The following TFEC variants were observed in gnomAD, a reference collection of about 807,000 sequenced individuals.
TFEC encodes transcription factor EC, also known as class E basic helix-loop-helix protein 34.
Under a neutral mutation model 41.6 loss-of-function variants are expected in TFEC, and 31 were observed. That is an observed-to-expected ratio of 0.74 (90% CI 0.56 to 1.01). The LOEUF (loss-of-function observed/expected upper bound fraction) is 1.01, where lower values mean the gene tolerates loss of function less well. Ranked by LOEUF, TFEC falls within the 50% of genes least tolerant of loss-of-function variation. TFEC has a pLI of 0.00. For missense variants in TFEC, 402 were observed against 404.1 expected, an observed-to-expected ratio of 0.99 and a Z score of 0.04; for synonymous variants, 143 against 140.6, an observed-to-expected ratio of 1.02 and a Z score of -0.12.
chr7:116,095,465 T>C (rs139127317), intron 3 of TFEC, among the ~76,000 whole-genome samples: 4,168 of 152,122 alleles, frequency 0.027, 72 homozygotes, highest in Middle Eastern at 0.041. Flanking sequence ...TACACACATA[T>C]CCAAACCCCA....
Position 115,950,857 on chromosome 7 carries a change from A to G in TFEC, c.515+17T>C. ...TTTAAATTATAACATTATTATAGAA[A>G]TGATTGTTGAACTCACGGATCATTA... On this transcript the variant is annotated intron_variant, in intron 6 of 7. Transcript: ENST00000265440. The G allele has an allele frequency of 6.3e-7, 1 of 1,578,626 alleles. No individual in the cohort carries two copies. Among genetic ancestry groups the G allele is most frequent in the Non-Finnish European group, 8.6e-7 (1 of 1,158,540 alleles).
chr7:115,936,214 T>C lies in TFEC; in HGVS notation c.*4337A>G, dbSNP rs1378402886. Reference sequence around the variant, plus strand: ...CATAGGAGATCAGTAACACTCGAAATGTATTTTGTATTTATTAGGTAAATG... The same window carrying C: ...CATAGGAGATCAGTAACACTCGAAACGTATTTTGTATTTATTAGGTAAATG... On this transcript the variant is annotated 3_prime_UTR_variant, in exon 8 of 8. Coordinates refer to ENST00000265440, the MANE Select transcript of TFEC (RefSeq NM_012252.4). 6.6e-6 allele frequency: 1 copy of C among 151,662 alleles called. No individual in the cohort carries two copies. The highest frequency in any genetic ancestry group is 1.9e-4 in the East Asian group (1 of 5,182). The allele number at this position is 151,662 out of a possible 1,614,324, so 9.4% of individuals were successfully genotyped here.
At chr7:116,091,349 A>C (rs775639683) in intron 3 of TFEC, among the ~76,000 whole-genome samples, 7 of 152,172 alleles carry the variant, frequency 4.6e-5, no homozygotes, top group Non-Finnish European at 8.8e-5. Flanking sequence ...AAGTACTATT[A>C]AACAATGTAA....
chr7:116,105,056 C>A (rs1173418285), intron 3 of TFEC, among the ~76,000 whole-genome samples: 1 of 152,130 alleles, frequency 6.6e-6, no homozygotes. Context: ...TTGAATCCGA[C>A]CTCCATTCCC....
chr7:116,157,948 T>C (rs1232485281), intron 1 of TFEC, among the ~76,000 whole-genome samples: 2 of 152,134 alleles, frequency 1.3e-5, no homozygotes, highest in Non-Finnish European at 2.9e-5. Context: ...CAGACACCTA[T>C]CTTCAAATTC....
At chr7:116,157,245 CCTTT>C (rs1452897732) in intron 1 of TFEC, 3 of 151,990 alleles carry the variant, frequency 2.0e-5, no homozygotes, top group African/African-American at 7.3e-5. Context: ...TCCTTTGCCC[CCTTT>C]CTTTCCCGCT....
chr7:116,068,535 C>T (rs1796749290), intron 3 of TFEC, among the ~76,000 whole-genome samples: 1 of 151,470 alleles, frequency 6.6e-6, no homozygotes, highest in South Asian at 2.1e-4. Flanking sequence ...AACAATATGC[C>T]ATAATGCACT....
intron 3 of TFEC, among the ~76,000 whole-genome samples, chr7:116,076,535 T>C (rs1041219550): frequency 1.3e-5 from 2 of 151,814 alleles, no homozygotes; most frequent in Admixed American, 6.6e-5. Context: ...TGATACAGGA[T>C]ATGAAGGGAA....
At chr7:115,975,092 A>G (rs1793322074) in intron 2 of TFEC, among the ~76,000 whole-genome samples, 1 of 152,104 alleles carries the variant, frequency 6.6e-6, no homozygotes, top group Non-Finnish European at 1.5e-5. Context: ...ATTTGGCTCT[A>G]TAGTCCAAAT....
At chr7:115,987,779 T>C (rs1478935085) in intron 1 of TFEC, among the ~76,000 whole-genome samples, 2 of 152,018 alleles carry the variant, frequency 1.3e-5, no homozygotes, top group Non-Finnish European at 2.9e-5. Context: ...ATAAAATGTG[T>C]TTTATATATA....
At chr7:115,997,201 G>A (rs1272650935) in intron 1 of TFEC, among the ~76,000 whole-genome samples, 1 of 152,186 alleles carries the variant, frequency 6.6e-6, no homozygotes, top group Non-Finnish European at 1.5e-5. Context: ...GGGTGCTTGT[G>A]TCACCCCTCC....
intron 3 of TFEC, among the ~76,000 whole-genome samples, chr7:116,062,297 G>C (rs1364668441): frequency 7.4e-6 from 1 of 135,938 alleles, no homozygotes; most frequent in Non-Finnish European, 1.5e-5. Flanking sequence ...TGGCCAGGCT[G>C]GTCTCAAACT....
Position 115,940,764 on chromosome 7 carries a change from A to G in TFEC, c.831T>C (p.Asp277=). ...VSQGPSPELC[D]QAIAFSDPLS... The stretch of plus-strand genomic sequence containing the variant: ...AAGGATCAGAAAAGGCTATAGCTTG[A>G]TCACAGAGCTCAGGGCTTGGCCCCT... Residue 277 remains aspartate (D), a synonymous_variant, in exon 8 of 8, where the codon GAT becomes GAC. Coordinates refer to ENST00000265440, the MANE Select transcript of TFEC (RefSeq NM_012252.4). 1 of 1,613,516 alleles carries G rather than the reference A, an allele frequency of 6.2e-7. No homozygotes were observed. Among genetic ancestry groups the G allele is most frequent in the Non-Finnish European group, 8.5e-7 (1 of 1,179,644 alleles).
rs562598061 is a variant in TFEC, at chr7:116,038,888, C to G, written c.199-54375G>C. On this transcript the variant is annotated intron_variant, in intron 3 of 8. Transcript: ENST00000484212. ...AGTAGATTAGTGGGGAAGTTATTTT[C>G]CTCATAGTTACTCAAGGACACAGGA... 5.7e-4 allele frequency among the ~76,000 whole-genome samples: 87 copies of G among 152,180 alleles called. 1 individual carries two copies. The highest frequency in any genetic ancestry group is 2.0e-3 in the African/African-American group (85 of 41,556).
At chr7:116,084,965 T>C (rs931935314) in intron 3 of TFEC, among the ~76,000 whole-genome samples, 4 of 151,862 alleles carry the variant, frequency 2.6e-5, no homozygotes, top group Admixed American at 6.6e-5. Flanking sequence ...TTCGGGCTAA[T>C]GGAGATGTCA....
At chr7:116,081,532 G>T (rs1362562205) in intron 3 of TFEC, among the ~76,000 whole-genome samples, 1 of 151,948 alleles carries the variant, frequency 6.6e-6, no homozygotes, top group African/African-American at 2.4e-5. Flanking sequence ...ATGGTTTATT[G>T]TGTAAAAAGT....
chr7:116,068,570 G>A (rs1262805308), intron 3 of TFEC, among the ~76,000 whole-genome samples: 2 of 151,550 alleles, frequency 1.3e-5, no homozygotes, highest in Non-Finnish European at 3.0e-5. Context: ...TCAACAGTTT[G>A]AAGACTTTTG....
chr7:116,009,351 T>C (rs1225576166), intron 1 of TFEC, among the ~76,000 whole-genome samples: 1 of 152,064 alleles, frequency 6.6e-6, no homozygotes, highest in Non-Finnish European at 1.5e-5. Context: ...AAGTCAACTG[T>C]CCCCATCATC....
chr7:116,110,082 G>C (rs183611840), intron 3 of TFEC, among the ~76,000 whole-genome samples: 27 of 152,084 alleles, frequency 1.8e-4, no homozygotes, highest in African/African-American at 6.5e-4. Flanking sequence ...GTCATGGAGT[G>C]GGGGGAAGGG....
Sources: gnomAD v4.1 joint callset for allele counts (sites outside exome capture counted in the v4.1 genomes callset) on GRCh38, gnomAD v4.1.1 for gene constraint, MANE v1.5 for transcripts, NCBI Gene and HGNC (gene_info 2026-07-23, HGNC 2026-07-21) for gene names.